The following GTF2IRD1 variants were observed in gnomAD, a reference collection of about 807,000 sequenced individuals.
GTF2IRD1 encodes GTF2I repeat domain containing 1, also known as general transcription factor II-I repeat domain-containing protein 1.
In GTF2IRD1, 26 loss-of-function variants were observed where a neutral mutation model predicts 113.2. The ratio of observed to expected loss-of-function variants is 0.23; its 90% confidence interval spans 0.17 to 0.32. The LOEUF is 0.32. GTF2IRD1 is among the 10% of genes least tolerant of loss of function. GTF2IRD1 has a pLI of 1.00. For synonymous variants in GTF2IRD1, 484 were observed against 529.1 expected (o/e 0.91, Z 1.17); for missense variants, 864 against 1,280.8 (o/e 0.67, Z 4.97).
chr7:74,516,658 A>C (rs1796945916), intron 4 of GTF2IRD1, among the ~76,000 whole-genome samples: 1 of 152,174 alleles, frequency 6.6e-6, no homozygotes, highest in Non-Finnish European at 1.5e-5. Context: ...TGTCAGAAGG[A>C]GGGGTACCCA....
intron 22 of GTF2IRD1, among the ~76,000 whole-genome samples, chr7:74,572,265 C>T (rs1554362862): frequency 2.0e-5 from 3 of 152,120 alleles, no homozygotes; most frequent in Non-Finnish European, 4.4e-5. Context: ...CCCTTTTTGC[C>T]TTCTCAGGAA....
intron 1 of GTF2IRD1, among the ~76,000 whole-genome samples, chr7:74,457,878 T>C (rs1288536571): frequency 1.3e-4 from 16 of 124,218 alleles, no homozygotes; most frequent in African/African-American, 4.6e-4. Flanking sequence ...TACGTTTTTG[T>C]TTTTTTTTTT....
intron 22 of GTF2IRD1, among the ~76,000 whole-genome samples, chr7:74,585,611 G>A (rs1801675716): frequency 1.3e-5 from 2 of 152,050 alleles, no homozygotes; most frequent in African/African-American, 2.4e-5. Context: ...CCTGGGCATG[G>A]TGGTTCACGT....
chr7:74,563,354 C>T (rs1213596588), intron 22 of GTF2IRD1, among the ~76,000 whole-genome samples: 1 of 151,574 alleles, frequency 6.6e-6, no homozygotes, highest in Non-Finnish European at 1.5e-5. Context: ...CCGAAGTAGG[C>T]AGATCACGAG....
intron 22 of GTF2IRD1, among the ~76,000 whole-genome samples, chr7:74,581,927 A>G (rs1801442568): frequency 6.6e-6 from 1 of 152,196 alleles, no homozygotes; most frequent in Admixed American, 6.6e-5. Flanking sequence ...GGATGGCTTC[A>G]GCTCAGGAGG....
At chr7:74,501,722 G>A (rs1796043227) in intron 1 of GTF2IRD1, among the ~76,000 whole-genome samples, 1 of 152,136 alleles carries the variant, frequency 6.6e-6, no homozygotes, top group Non-Finnish European at 1.5e-5. Flanking sequence ...CGTGATCTCT[G>A]CTCACTGCAA....
intron 25 of GTF2IRD1, among the ~76,000 whole-genome samples, chr7:74,600,537 C>T (rs1305753387): frequency 6.6e-6 from 1 of 152,094 alleles, no homozygotes; most frequent in Non-Finnish European, 1.5e-5. Flanking sequence ...GGTGAAACCC[C>T]ATCTCTACTC....
intron 8 of GTF2IRD1, among the ~76,000 whole-genome samples, chr7:74,525,788 A>C (rs782240113): frequency 9.2e-5 from 14 of 152,076 alleles, no homozygotes; most frequent in Non-Finnish European, 1.6e-4. Context: ...TAAGGAAAGA[A>C]TTTAAAAAGA....
chr7:74,520,978 C>T (rs1012833416), intron 6 of GTF2IRD1, among the ~76,000 whole-genome samples: 3 of 151,570 alleles, frequency 2.0e-5, no homozygotes, highest in Non-Finnish European at 4.4e-5. Context: ...AGGTAACCTC[C>T]GACATCCCTT....
chr7:74,551,119 A>C (rs1240982557), intron 17 of GTF2IRD1, among the ~76,000 whole-genome samples: 2 of 152,208 alleles, frequency 1.3e-5, no homozygotes, highest in African/African-American at 4.8e-5. Context: ...AGGCAGATGG[A>C]TCACTTGAGT....
At position 74,602,470 on chromosome 7, in the gene GTF2IRD1, T is replaced by A; in HGVS notation, c.*37T>A. ...GAATCAGGACCTCACTCAGAAAGACTAAAGGAAATGTAATTTATGTACAAA... is the reference window on the plus strand; with the variant it reads ...GAATCAGGACCTCACTCAGAAAGACAAAAGGAAATGTAATTTATGTACAAA... On this transcript the variant is annotated 3_prime_UTR_variant, in exon 27 of 27. Transcript: ENST00000424337. 6.4e-7 allele frequency: 1 copy of A among 1,551,984 alleles called. No individual in the cohort carries two copies. The highest frequency in any genetic ancestry group is 8.9e-7 in the Non-Finnish European group (1 of 1,127,494).
At chr7:74,579,596 C>G (rs111994223) in intron 22 of GTF2IRD1, among the ~76,000 whole-genome samples, 1 of 148,280 alleles carries the variant, frequency 6.7e-6, no homozygotes, top group Non-Finnish European at 1.5e-5. Context: ...CCACCCTGAG[C>G]GACAGAGCAA....
In GTF2IRD1 at chr7:74,536,171, C is replaced by A; in HGVS notation, c.1305C>A (p.Asn435Lys). 1.9e-6 allele frequency: 3 copies of A among 1,611,066 alleles called. No homozygotes were observed. Among genetic ancestry groups the A allele is most frequent in the Non-Finnish European group, 1.7e-6 (2 of 1,177,274 alleles). Residue 435 changes from asparagine to lysine, a missense_variant, in exon 11 of 27, where the codon AAC becomes AAA. Physicochemically the swap from Asn to Lys is moderately conservative, Grantham distance 94. This residue lies in a region of GTF2IRD1 where 218 missense variants were observed against 352.6 expected (regional missense o/e 0.62). Coordinates refer to ENST00000424337, the MANE Select transcript of GTF2IRD1 (RefSeq NM_005685.4). ...RMFDERIFTG[N>K]KFTKDTTKLE... ...CCTCCCTGACTCTCCCCACAGGGAA[C>A]AAGTTTACCAAAGACACCACGAAGC...
chr7:74,557,722 G>A lies in GTF2IRD1; in HGVS notation c.2107G>A (p.Gly703Arg), dbSNP rs1562868276. 1.3e-6 allele frequency: 2 copies of A among 1,594,484 alleles called. No individual in the cohort carries two copies. Among genetic ancestry groups the A allele is most frequent in the Non-Finnish European group, 8.6e-7 (1 of 1,162,476 alleles). The change falls in exon 20 of 27, where the codon GGG becomes AGG. Residue 703 changes from glycine to arginine, a missense_variant and splice_region_variant. Transcript: ENST00000424337. Reference sequence around the variant, plus strand: ...CCAGGACCTTTTCAATAAGAAATACGGTAAGCAGTGCAGAACCCCCGGGGA... The same window carrying A: ...CCAGGACCTTTTCAATAAGAAATACAGTAAGCAGTGCAGAACCCCCGGGGA... The part of the protein sequence containing the change: ...QVQDLFNKKY[G>R]EALGIKYPVQ...
intron 26 of GTF2IRD1, chr7:74,601,383 A>G: frequency 2.0e-6 from 3 of 1,506,184 alleles, no homozygotes; most frequent in Non-Finnish European, 2.7e-6. Flanking sequence ...GGGTACTCAC[A>G]GGCACTCAGG....
chr7:74,489,763 T>G (rs1268996548), intron 1 of GTF2IRD1, among the ~76,000 whole-genome samples: 1 of 152,206 alleles, frequency 6.6e-6, no homozygotes, highest in East Asian at 1.9e-4. Context: ...AAGGAGTGCC[T>G]TGCTCTGAGC....
intron 14 of GTF2IRD1, among the ~76,000 whole-genome samples, chr7:74,543,816 G>A (rs118179982): frequency 0.048 from 6,310 of 130,766 alleles, 200 homozygotes; most frequent in East Asian, 0.092. Flanking sequence ...CGGGTGGATC[G>A]TTTGATCCCA....
At chr7:74,454,682 G>A (rs1006257393) in intron 1 of GTF2IRD1, among the ~76,000 whole-genome samples, 1 of 152,064 alleles carries the variant, frequency 6.6e-6, no homozygotes, top group African/African-American at 2.4e-5. Flanking sequence ...CCCCAGCAGG[G>A]TGGTTCCTGT....
chr7:74,581,066 C>T (rs782461412), intron 22 of GTF2IRD1, among the ~76,000 whole-genome samples: 1 of 152,108 alleles, frequency 6.6e-6, no homozygotes, highest in Admixed American at 6.6e-5. Context: ...GTTGCCCAGG[C>T]TGGAGTGCAG....
Sources: gnomAD v4.1 joint callset for allele counts (sites outside exome capture counted in the v4.1 genomes callset) on GRCh38, gnomAD v4.1.1 for gene constraint, gnomAD v4.1.1 regional missense constraint, MANE v1.5 for transcripts, NCBI Gene and HGNC (gene_info 2026-07-23, HGNC 2026-07-21) for gene names.